Variants in BMP5 observed in about 807,000 individuals in gnomAD.
BMP5 encodes bone morphogenetic protein 5.
Under a neutral mutation model 46.6 loss-of-function variants are expected in BMP5, and 23 were observed. The observed-to-expected ratio is 0.49, with a 90% CI of 0.35 to 0.70. The LOEUF is 0.70. Among genes scored for constraint, BMP5 ranks in the 30% least tolerant of loss-of-function variants. BMP5 has a pLI of 0.00. For missense variants in BMP5, 545 were observed against 565.6 expected (o/e 0.96, Z 0.37); for synonymous variants, 204 against 191.9 (o/e 1.06, Z -0.52).
At chr6:55,791,916 TG>T (rs1157598661) in intron 3 of BMP5, among the ~76,000 whole-genome samples, 1 of 152,200 alleles carries the variant, frequency 6.6e-6, no homozygotes, top group Non-Finnish European at 1.5e-5. Context: ...AAGGAACGAT[TG>T]GCTTACCTCC....
chr6:55,811,688 C>CCT (rs1002908206), intron 2 of BMP5, among the ~76,000 whole-genome samples: 4 of 150,120 alleles, frequency 2.7e-5, no homozygotes, highest in East Asian at 3.9e-4. Context: ...TCTCTTTCTC[C>CCT]CTCTCTCTCT....
At chr6:55,818,900 T>A (rs77126641) in intron 2 of BMP5, among the ~76,000 whole-genome samples, 1,761 of 152,134 alleles carry the variant, frequency 0.012, 34 homozygotes, top group African/African-American at 0.04. Context: ...AATATAGGAT[T>A]TCAAATAGAT....
At chr6:55,845,461 C>T (rs962301879) in intron 1 of BMP5, among the ~76,000 whole-genome samples, 2 of 151,880 alleles carry the variant, frequency 1.3e-5, no homozygotes, top group Non-Finnish European at 2.9e-5. Flanking sequence ...GACGGGATTT[C>T]CATGGATTGT....
At chr6:55,787,189 C>A (rs943742429) in intron 3 of BMP5, among the ~76,000 whole-genome samples, 1 of 151,530 alleles carries the variant, frequency 6.6e-6, no homozygotes, top group East Asian at 1.9e-4. Flanking sequence ...ATTTGGAGCT[C>A]TTTCCCTGAG....
chr6:55,776,928 T>C (rs1306550139), intron 3 of BMP5, among the ~76,000 whole-genome samples: 1 of 151,958 alleles, frequency 6.6e-6, no homozygotes, highest in Non-Finnish European at 1.5e-5. Context: ...TGTGTGTATG[T>C]TACAAATACG....
At chr6:55,803,200 G>A (rs1244774009) in intron 2 of BMP5, among the ~76,000 whole-genome samples, 1 of 151,882 alleles carries the variant, frequency 6.6e-6, no homozygotes, top group Non-Finnish European at 1.5e-5. Flanking sequence ...GGAGGCTGAG[G>A]CAGGAGAATC....
chr6:55,759,171 A>AAAAAAAAAAC, intron 5 of BMP5, 56 bp from the exon 6 acceptor site: 1 of 829,906 alleles, frequency 1.2e-6, no homozygotes, highest in South Asian at 1.7e-5. Context: ...AAAAAAAAAA[A>AAAAAAAAAAC]AAAAAAAAAA....
intron 1 of BMP5, among the ~76,000 whole-genome samples, chr6:55,868,162 A>G (rs1453713990): frequency 1.3e-5 from 2 of 152,208 alleles, no homozygotes; most frequent in Non-Finnish European, 2.9e-5. Flanking sequence ...CTTGATTTAG[A>G]CATGTGTTAT....
intron 3 of BMP5, among the ~76,000 whole-genome samples, chr6:55,780,473 AGAAAGAAAG>A (rs1562034450): frequency 2.4e-5 from 3 of 125,154 alleles, no homozygotes; most frequent in Admixed American, 8.4e-5. Context: ...AAAAAAAAAA[AGAAAGAAAG>A]AAAGAAAGAA....
chr6:55,858,572 A>G (rs1392011439), intron 1 of BMP5, among the ~76,000 whole-genome samples: 1 of 152,266 alleles, frequency 6.6e-6, no homozygotes, highest in African/African-American at 2.4e-5. Flanking sequence ...AATACATAAT[A>G]TTAATTCAGG....
rs955492477 is a variant in BMP5, at chr6:55,873,215, A to G, written c.490+1161T>C. Among the ~76,000 whole-genome samples, 7 of 152,098 alleles carry G rather than the reference A, an allele frequency of 4.6e-5. No homozygotes were observed. The East Asian group carries it at 1.4e-3, about 29-fold the overall frequency. On this transcript the variant is annotated intron_variant, in intron 1 of 6. Transcript: ENST00000370830. Reference sequence around the variant, plus strand: ...TTGTTGATAATCTGACTTTTCAAAGAATATTTCCTTTGAGATGTTACATGA... The same window carrying G: ...TTGTTGATAATCTGACTTTTCAAAGGATATTTCCTTTGAGATGTTACATGA...
rs116630470 is a variant in BMP5, at chr6:55,823,019, A to G, written c.491-3172T>C. On this transcript the variant is annotated intron_variant, in intron 1 of 6. Coordinates refer to ENST00000370830, the MANE Select transcript of BMP5 (RefSeq NM_021073.4). The stretch of plus-strand genomic sequence containing the variant: ...GACTTACAGCCTAATGATGCCCACA[A>G]ATATTCAACAATGTAATCTCAGTTA... Among the ~76,000 whole-genome samples the G allele has an allele frequency of 2.1e-3, 314 of 152,204 alleles. 1 individual carries two copies. Among genetic ancestry groups the G allele is most frequent in the Non-Finnish European group, 3.6e-3 (247 of 67,970 alleles).
intron 4 of BMP5, among the ~76,000 whole-genome samples, chr6:55,770,036 G>A (rs1775010994): frequency 1.3e-5 from 2 of 151,820 alleles, no homozygotes; most frequent in South Asian, 2.1e-4. Context: ...ATACTTAGGG[G>A]TCCAAGGATT....
chr6:55,827,438 A>G (rs1240935310), intron 1 of BMP5, among the ~76,000 whole-genome samples: 2 of 151,804 alleles, frequency 1.3e-5, no homozygotes, highest in Non-Finnish European at 3.0e-5. Flanking sequence ...TAGATAAAAA[A>G]TAGTTGTATT....
At chr6:55,862,904 A>G (rs983217548) in intron 1 of BMP5, among the ~76,000 whole-genome samples, 1 of 152,142 alleles carries the variant, frequency 6.6e-6, no homozygotes, top group African/African-American at 2.4e-5. Flanking sequence ...AAAATTCTTT[A>G]AAGGGATTTT....
intron 6 of BMP5, among the ~76,000 whole-genome samples, chr6:55,757,073 CTTG>C (rs1249312094): frequency 6.6e-6 from 1 of 151,722 alleles, no homozygotes; most frequent in Non-Finnish European, 1.5e-5. Context: ...AGAGCAGACT[CTTG>C]TTCAAAGTTT....
chr6:55,773,127 G>A (rs2127520768), intron 4 of BMP5, among the ~76,000 whole-genome samples: 1 of 151,940 alleles, frequency 6.6e-6, no homozygotes, highest in South Asian at 2.1e-4. Flanking sequence ...TTGCTTATTA[G>A]TTCATCCATC....
chr6:55,790,205 T>C (rs1775543135), intron 3 of BMP5, among the ~76,000 whole-genome samples: 1 of 152,208 alleles, frequency 6.6e-6, no homozygotes, highest in Non-Finnish European at 1.5e-5. Flanking sequence ...CTGGTTTAGT[T>C]ACTAATTCCA....
At chr6:55,835,773 CA>C (rs1203795475) in intron 1 of BMP5, among the ~76,000 whole-genome samples, 3 of 152,176 alleles carry the variant, frequency 2.0e-5, no homozygotes, top group East Asian at 3.9e-4. Context: ...AGCAAATTTG[CA>C]ACACTTGAAA....
Sources: gnomAD v4.1 joint callset for allele counts (sites outside exome capture counted in the v4.1 genomes callset) on GRCh38, gnomAD v4.1.1 for gene constraint, MANE v1.5 for transcripts, NCBI Gene and HGNC (gene_info 2026-07-23, HGNC 2026-07-21) for gene names.